The following GULP1 variants were observed in gnomAD, a reference collection of about 807,000 sequenced individuals.
GULP1 encodes PTB domain-containing engulfment adapter protein 1.
Under a neutral mutation model 40.9 loss-of-function variants are expected in GULP1, and 19 were observed. That is an observed-to-expected ratio of 0.46 (90% CI 0.32 to 0.68). The LOEUF (loss-of-function observed/expected upper bound fraction) is 0.68, where lower values mean the gene tolerates loss of function less well. Among genes scored for constraint, GULP1 ranks in the 30% least tolerant of loss-of-function variants. The pLI is 0.03. For synonymous variants in GULP1, 119 were observed against 117.6 expected, an observed-to-expected ratio of 1.01 and a Z score of -0.08; for missense variants, 312 against 362.2, an observed-to-expected ratio of 0.86 and a Z score of 1.12.
At chr2:188,303,478 G>A (rs181909928) in intron 1 of GULP1, among the ~76,000 whole-genome samples, 21 of 152,280 alleles carry the variant, frequency 1.4e-4, no homozygotes, top group Admixed American at 2.6e-4. Flanking sequence ...GCCAGAGGTT[G>A]TGTGGGCAGT....
At chr2:188,363,125 C>T (rs2046313972) in intron 1 of GULP1, among the ~76,000 whole-genome samples, 1 of 151,970 alleles carries the variant, frequency 6.6e-6, no homozygotes, top group Non-Finnish European at 1.5e-5. Flanking sequence ...AACATCATTG[C>T]CTACTTTTTC....
chr2:188,493,898 G>A (rs907841665), intron 4 of GULP1, among the ~76,000 whole-genome samples: 3 of 152,064 alleles, frequency 2.0e-5, no homozygotes, highest in African/African-American at 7.2e-5. Flanking sequence ...CCCTGGTAGA[G>A]TCAGATTTAC....
At chr2:188,490,745 G>A (rs776632441) in intron 4 of GULP1, among the ~76,000 whole-genome samples, 1 of 151,930 alleles carries the variant, frequency 6.6e-6, no homozygotes, top group Non-Finnish European at 1.5e-5. Context: ...TCTGAAAGTT[G>A]AACATATTTA....
intron 9 of GULP1, among the ~76,000 whole-genome samples, chr2:188,570,360 G>A (rs951031088): frequency 6.6e-6 from 1 of 152,062 alleles, no homozygotes; most frequent in Non-Finnish European, 1.5e-5. Context: ...TCAACCCTCA[G>A]GTTAGTCTTA....
chr2:188,530,899 G>A (rs576617729), intron 6 of GULP1, among the ~76,000 whole-genome samples: 17 of 152,178 alleles, frequency 1.1e-4, no homozygotes, highest in Middle Eastern at 3.4e-3. Flanking sequence ...AATACGTATC[G>A]TCAAAGTGTT....
chr2:188,414,599 G>A (rs1171164113), intron 2 of GULP1, among the ~76,000 whole-genome samples: 2 of 152,144 alleles, frequency 1.3e-5, no homozygotes, highest in African/African-American at 4.8e-5. Flanking sequence ...AAAGAATGCC[G>A]AAGCTGGAAA....
At chr2:188,325,089 C>T (rs2040560781) in intron 1 of GULP1, among the ~76,000 whole-genome samples, 1 of 151,952 alleles carries the variant, frequency 6.6e-6, no homozygotes, top group Non-Finnish European at 1.5e-5. Flanking sequence ...AAGTCAATCA[C>T]AAGTGTATTG....
intron 2 of GULP1, among the ~76,000 whole-genome samples, chr2:188,415,916 C>T (rs2054520928): frequency 6.6e-6 from 1 of 152,092 alleles, no homozygotes; most frequent in Non-Finnish European, 1.5e-5. Flanking sequence ...CAAGATGCCC[C>T]AGTGCTCTGT....
chr2:188,387,567 G>C (rs1394287942), intron 2 of GULP1, among the ~76,000 whole-genome samples: 1 of 152,176 alleles, frequency 6.6e-6, no homozygotes, highest in African/African-American at 2.4e-5. Flanking sequence ...AACACTTTCA[G>C]CTTGGGAATT....
At chr2:188,564,176 A>G (rs1697056611) in intron 7 of GULP1, among the ~76,000 whole-genome samples, 1 of 151,974 alleles carries the variant, frequency 6.6e-6, no homozygotes, top group South Asian at 2.1e-4. Context: ...AAATTATTGA[A>G]TGCTTTCCTT....
intron 1 of GULP1, among the ~76,000 whole-genome samples, chr2:188,351,493 C>G (rs996210344): frequency 6.6e-6 from 1 of 152,026 alleles, no homozygotes; most frequent in African/African-American, 2.4e-5. Flanking sequence ...TACCATTGAT[C>G]CAACTCATGT....
rs907740751 is a variant in GULP1, at chr2:188,590,453, G to C, written c.843+2504G>C. On this transcript the variant is annotated intron_variant, in intron 11 of 11. Transcript: ENST00000409830. ...ATAAAAACTTAATATAGTACAATGG[G>C]TTGTGAACACCATATTGAGTTAATA... 2.0e-5 allele frequency: 3 copies of C among 152,138 alleles called. 1 individual carries two copies. Among genetic ancestry groups the C allele is most frequent in the Non-Finnish European group, 4.4e-5 (3 of 68,024 alleles). The allele number at this position is 152,138 out of a possible 1,614,324, so 9.4% of individuals were successfully genotyped here. A position where few individuals can be genotyped will look rare whatever the true frequency, so the allele number is the denominator to read the frequency against.
chr2:188,474,373 T>A (rs982156630), intron 2 of GULP1, among the ~76,000 whole-genome samples: 6 of 152,150 alleles, frequency 3.9e-5, no homozygotes, highest in Non-Finnish European at 8.8e-5. Context: ...CAGAACACTT[T>A]AGCCCACAGT....
chr2:188,543,979 C>A (rs1022223377), intron 7 of GULP1, among the ~76,000 whole-genome samples: 2 of 152,056 alleles, frequency 1.3e-5, no homozygotes, highest in African/African-American at 4.8e-5. Context: ...CCTCCTTCTT[C>A]CATGGTGACA....
chr2:188,573,166 A>G (rs1382722204), intron 9 of GULP1, among the ~76,000 whole-genome samples: 1 of 152,188 alleles, frequency 6.6e-6, no homozygotes, highest in Non-Finnish European at 1.5e-5. Context: ...GGTTTAAAAA[A>G]CATTGTTACA....
In GULP1 at chr2:188,325,702, G is replaced by T. The variant is rs955514293; in HGVS notation, c.-172+33536G>T. On this transcript the variant is annotated intron_variant, in intron 1 of 11. Transcript: ENST00000409830. The stretch of plus-strand genomic sequence containing the variant: ...CCTTTGAGGTAGTTTGACTAATAGG[G>T]CAGGGAATAAAGAGAGAATGGCAGT... 3.9e-5 allele frequency among the ~76,000 whole-genome samples: 6 copies of T among 152,030 alleles called. No homozygotes were observed. In the East Asian group the frequency reaches 1.2e-3, roughly 29 times the overall value.
At chr2:188,397,909 C>A (rs184230497) in intron 2 of GULP1, among the ~76,000 whole-genome samples, 9 of 152,332 alleles carry the variant, frequency 5.9e-5, no homozygotes, top group Admixed American at 2.6e-4. Context: ...GAAATGTCAT[C>A]CCATCTGTAG....
At chr2:188,479,855 A>G (rs919891427) in intron 3 of GULP1, among the ~76,000 whole-genome samples, 2 of 152,146 alleles carry the variant, frequency 1.3e-5, no homozygotes, top group African/African-American at 4.8e-5. Context: ...CAGTGGGAGT[A>G]CAACCATAGG....
chr2:188,518,778 T>C (rs1471840574), intron 4 of GULP1, among the ~76,000 whole-genome samples: 1 of 152,186 alleles, frequency 6.6e-6, no homozygotes, highest in Admixed American at 6.5e-5. Flanking sequence ...AAACAACTTG[T>C]AGTTTAAAGA....
Sources: gnomAD v4.1 joint callset for allele counts (sites outside exome capture counted in the v4.1 genomes callset) on GRCh38, gnomAD v4.1.1 for gene constraint, MANE v1.5 for transcripts, NCBI Gene and HGNC (gene_info 2026-07-23, HGNC 2026-07-21) for gene names.